Variants in OSBPL6 observed in about 807,000 individuals in gnomAD.
The protein encoded by OSBPL6 is oxysterol-binding protein-related protein 6.
Under a neutral mutation model 125.8 loss-of-function variants are expected in OSBPL6, and 49 were observed. That is an observed-to-expected ratio of 0.39 (90% CI 0.31 to 0.49). The LOEUF is 0.49. OSBPL6 is among the 20% of genes least tolerant of loss of function. The pLI is 0.88. For synonymous variants in OSBPL6, 394 were observed against 391.8 expected (o/e 1.01, Z -0.07); for missense variants, 986 against 1,135.4 (o/e 0.87, Z 1.89).
At chr2:178,274,818 T>C (rs1019147924) in intron 1 of OSBPL6, among the ~76,000 whole-genome samples, 1 of 152,192 alleles carries the variant, frequency 6.6e-6, no homozygotes, top group Admixed American at 6.5e-5. Flanking sequence ...GTTTCAGATA[T>C]AGGAGTGTGA....
intron 1 of OSBPL6, among the ~76,000 whole-genome samples, chr2:178,250,733 C>T (rs948664146): frequency 3.3e-5 from 5 of 152,118 alleles, no homozygotes; most frequent in African/African-American, 7.2e-5. Flanking sequence ...AAGCAGAAGC[C>T]GTCTCATATC....
rs1050861804 is a variant in OSBPL6, at chr2:178,348,432, C to T, written c.988-792C>T. ...GACATTTGTAATGTTCAGGTAAAGC[C>T]TTCTTAAAGGGGAGGAAAAGGTGCT... On this transcript the variant is annotated intron_variant, in intron 11 of 24. Coordinates refer to ENST00000190611, the MANE Select transcript of OSBPL6 (RefSeq NM_032523.4). Among the ~76,000 whole-genome samples, 15 of 152,122 alleles carry T rather than the reference C, an allele frequency of 9.9e-5. No individual in the cohort carries two copies. In the East Asian group the frequency reaches 1.7e-3, roughly 18 times the overall value.
intron 1 of OSBPL6, among the ~76,000 whole-genome samples, chr2:178,208,206 A>AC (rs1461452056): frequency 6.6e-6 from 1 of 151,420 alleles, no homozygotes; most frequent in East Asian, 2.0e-4. Flanking sequence ...AATTGCTTCA[A>AC]CCCCAGCAGG....
intron 2 of OSBPL6, among the ~76,000 whole-genome samples, chr2:178,296,283 T>C (rs1291599611): frequency 6.6e-6 from 1 of 152,192 alleles, no homozygotes; most frequent in Admixed American, 6.5e-5. Flanking sequence ...TGATTAGCAC[T>C]GCCATTTCCC....
At chr2:178,277,981 G>A (rs756614394) in intron 1 of OSBPL6, among the ~76,000 whole-genome samples, 1 of 152,156 alleles carries the variant, frequency 6.6e-6, no homozygotes, top group Admixed American at 6.5e-5. Context: ...GACCTTCCAC[G>A]CTGTTTCAAA....
chr2:178,234,200 ATAG>A (rs1163066927), intron 1 of OSBPL6, among the ~76,000 whole-genome samples: 1 of 152,212 alleles, frequency 6.6e-6, no homozygotes, highest in Non-Finnish European at 1.5e-5. Context: ...AGAAAATGAA[ATAG>A]TAATAATAAT....
At chr2:178,205,871 A>G (rs2089501326) in intron 1 of OSBPL6, among the ~76,000 whole-genome samples, 1 of 152,226 alleles carries the variant, frequency 6.6e-6, no homozygotes, top group South Asian at 2.1e-4. Context: ...GTTTAATTAG[A>G]ATGATCATTT....
chr2:178,341,768 T>A (rs1365265081), intron 11 of OSBPL6, among the ~76,000 whole-genome samples: 2 of 152,228 alleles, frequency 1.3e-5, no homozygotes, highest in Non-Finnish European at 2.9e-5. Flanking sequence ...AAACAAAAGG[T>A]ATTTTAAGGG....
At chr2:178,360,110 A>C (rs1295849554) in intron 12 of OSBPL6, among the ~76,000 whole-genome samples, 1 of 152,146 alleles carries the variant, frequency 6.6e-6, no homozygotes, top group Non-Finnish European at 1.5e-5. Context: ...CCAGTCCCAG[A>C]AAATAGTATT....
intron 2 of OSBPL6, among the ~76,000 whole-genome samples, chr2:178,294,592 A>G (rs1685562909): frequency 6.6e-6 from 1 of 152,164 alleles, no homozygotes; most frequent in Non-Finnish European, 1.5e-5. Flanking sequence ...ATTAAGGGAT[A>G]ACATCAGCTT....
At chr2:178,386,330 C>A (rs890054273) in intron 19 of OSBPL6, among the ~76,000 whole-genome samples, 2 of 152,272 alleles carry the variant, frequency 1.3e-5, no homozygotes, top group Non-Finnish European at 1.5e-5. Flanking sequence ...CACAAATGCA[C>A]AAATAAATCT....
chr2:178,390,647 AG>A (rs1467680002), intron 21 of OSBPL6, among the ~76,000 whole-genome samples: 1 of 152,234 alleles, frequency 6.6e-6, no homozygotes, highest in East Asian at 1.9e-4. Flanking sequence ...TATGGCTGGA[AG>A]GGCCACTTGA....
chr2:178,227,930 A>G (rs912332457), intron 1 of OSBPL6, among the ~76,000 whole-genome samples: 1 of 152,134 alleles, frequency 6.6e-6, no homozygotes, highest in Non-Finnish European at 1.5e-5. Context: ...TCTATGAAGC[A>G]TGTGTGAATG....
chr2:178,244,071 T>C (rs1366002662), intron 1 of OSBPL6, among the ~76,000 whole-genome samples: 2 of 152,246 alleles, frequency 1.3e-5, no homozygotes, highest in Non-Finnish European at 2.9e-5. Context: ...ATCTGTCTCC[T>C]GCCTACACCT....
intron 14 of OSBPL6, 55 bp from the exon 15 acceptor site, chr2:178,373,835 T>C: frequency 6.3e-7 from 1 of 1,598,266 alleles, no homozygotes; most frequent in Admixed American, 1.7e-5. Context: ...TTTGAAGGAA[T>C]AGCTATTCTA....
intron 15 of OSBPL6, among the ~76,000 whole-genome samples, chr2:178,381,939 C>T (rs1278296896): frequency 6.6e-6 from 1 of 152,192 alleles, no homozygotes; most frequent in African/African-American, 2.4e-5. Context: ...TGCACGATCT[C>T]TCTTCTTTGT....
chr2:178,246,997 C>G (rs922060293), intron 1 of OSBPL6, among the ~76,000 whole-genome samples: 2 of 140,496 alleles, frequency 1.4e-5, no homozygotes, highest in Non-Finnish European at 3.1e-5. Flanking sequence ...CTTCATCTCC[C>G]TGTAACCTGC....
At chr2:178,305,846 CTTT>C (rs11476329) in intron 2 of OSBPL6, among the ~76,000 whole-genome samples, 181 bp from the exon 3 acceptor site, 94 of 140,178 alleles carry the variant, frequency 6.7e-4, no homozygotes, top group Non-Finnish European at 6.9e-4. Context: ...GTTAACAGTC[CTTT>C]TTTTTTTTTT....
At chr2:178,301,794 GC>G (rs1205391886) in intron 2 of OSBPL6, among the ~76,000 whole-genome samples, 3 of 152,200 alleles carry the variant, frequency 2.0e-5, no homozygotes, top group Non-Finnish European at 4.4e-5. Flanking sequence ...ATGGCTCTTT[GC>G]CCTGCCTCTC....
Sources: gnomAD v4.1 joint callset for allele counts (sites outside exome capture counted in the v4.1 genomes callset) on GRCh38, gnomAD v4.1.1 for gene constraint, MANE v1.5 for transcripts, NCBI Gene and HGNC (gene_info 2026-07-23, HGNC 2026-07-21) for gene names.